PATJ: variants seen among roughly 807,000 people sequenced by gnomAD.
PATJ encodes PATJ crumbs cell polarity complex component, also known as inaD-like protein.
PATJ carries 190 observed loss-of-function variants against 224.9 expected under a neutral mutation model. That is an observed-to-expected ratio of 0.84 (90% CI 0.75 to 0.95). PATJ has a LOEUF of 0.95. Among genes scored for constraint, PATJ ranks in the 40% least tolerant of loss-of-function variants. The pLI is 0.00. For synonymous variants in PATJ, 769 were observed against 820.3 expected, an observed-to-expected ratio of 0.94 and a Z score of 1.07; for missense variants, 2,121 against 2,270.3, an observed-to-expected ratio of 0.93 and a Z score of 1.34.
At chr1:61,849,551 C>T (rs1205093623) in intron 17 of PATJ, among the ~76,000 whole-genome samples, 1 of 152,182 alleles carries the variant, frequency 6.6e-6, no homozygotes, top group African/African-American at 2.4e-5. Flanking sequence ...CGTGATTGTG[C>T]CACTGCACTC....
At chr1:62,111,663 CT>C (rs35549430) in intron 34 of PATJ, among the ~76,000 whole-genome samples, 1,871 of 142,260 alleles carry the variant, frequency 0.013, 32 homozygotes, top group African/African-American at 0.04. Context: ...AACCCATGTT[CT>C]TTTTTTTTTT....
intron 31 of PATJ, among the ~76,000 whole-genome samples, chr1:62,057,071 C>G (rs1654672949): frequency 6.6e-6 from 1 of 152,098 alleles, no homozygotes; most frequent in Non-Finnish European, 1.5e-5. Flanking sequence ...CAGGTGATCT[C>G]CCCACCTCAG....
chr1:61,820,533 G>A (rs1467571587), intron 14 of PATJ, among the ~76,000 whole-genome samples: 4 of 151,568 alleles, frequency 2.6e-5, no homozygotes, highest in Non-Finnish European at 5.9e-5. Flanking sequence ...GTAGAGATGG[G>A]GTTTCTCCAT....
chr1:62,056,732 T>C (rs1381486600), intron 31 of PATJ, among the ~76,000 whole-genome samples: 1 of 151,998 alleles, frequency 6.6e-6, no homozygotes, highest in Non-Finnish European at 1.5e-5. Flanking sequence ...AGTGAGCCAA[T>C]ATCACACCAC....
chr1:62,111,779 G>C (rs1663848336), intron 34 of PATJ, among the ~76,000 whole-genome samples: 1 of 151,292 alleles, frequency 6.6e-6, no homozygotes, highest in African/African-American at 2.4e-5. Flanking sequence ...TCCTGCCTCA[G>C]CCTCCCAAGT....
chr1:61,804,348 G>A (rs1315266906), intron 12 of PATJ, among the ~76,000 whole-genome samples: 5 of 152,078 alleles, frequency 3.3e-5, no homozygotes, highest in Non-Finnish European at 7.4e-5. Context: ...TTTTATAAAT[G>A]TAGTAATTTA....
At chr1:61,788,201 A>C (rs942022551) in intron 8 of PATJ, among the ~76,000 whole-genome samples, 1 of 152,142 alleles carries the variant, frequency 6.6e-6, no homozygotes, top group African/African-American at 2.4e-5. Context: ...CTTATTTATA[A>C]ATTGAAGAAT....
intron 33 of PATJ, among the ~76,000 whole-genome samples, chr1:62,097,165 A>C (rs1338487434): frequency 6.6e-6 from 1 of 152,180 alleles, no homozygotes; most frequent in Non-Finnish European, 1.5e-5. Context: ...CAGAGCTAAA[A>C]TCTGAACACA....
intron 27 of PATJ, among the ~76,000 whole-genome samples, chr1:61,945,734 A>T (rs527771310): frequency 6.6e-6 from 1 of 152,150 alleles, no homozygotes; most frequent in South Asian, 2.1e-4. Context: ...CATCTACAGA[A>T]CTCTCCACCC....
intron 8 of PATJ, among the ~76,000 whole-genome samples, chr1:61,790,617 G>A (rs1191138162): frequency 6.7e-6 from 1 of 150,178 alleles, no homozygotes; most frequent in Non-Finnish European, 1.5e-5. Flanking sequence ...GGGTTCAAGC[G>A]ATTCTCCTGT....
chr1:61,969,443 T>C (rs781583200), intron 27 of PATJ, among the ~76,000 whole-genome samples: 33 of 152,188 alleles, frequency 2.2e-4, no homozygotes, highest in Non-Finnish European at 2.6e-4. Flanking sequence ...TGATACCTCA[T>C]TGTGATTTTG....
At chr1:62,084,934 G>A (rs1254369632) in intron 33 of PATJ, among the ~76,000 whole-genome samples, 1 of 151,510 alleles carries the variant, frequency 6.6e-6, no homozygotes, top group Admixed American at 6.6e-5. Flanking sequence ...CCTGGGCAAC[G>A]TGGCGAAACC....
chr1:61,963,873 C>G (rs536510298), intron 27 of PATJ, among the ~76,000 whole-genome samples: 7 of 152,172 alleles, frequency 4.6e-5, no homozygotes, highest in African/African-American at 1.7e-4. Context: ...TGTTTAGTTG[C>G]TTGCTTATAC....
intron 27 of PATJ, among the ~76,000 whole-genome samples, chr1:61,945,763 A>C (rs1473876237): frequency 1.3e-5 from 2 of 152,232 alleles, no homozygotes; most frequent in African/African-American, 4.8e-5. Flanking sequence ...CAGAATATAC[A>C]TTCTTCTCAG....
chr1:62,109,540 G>A (rs941435563), intron 34 of PATJ, among the ~76,000 whole-genome samples: 2 of 152,190 alleles, frequency 1.3e-5, no homozygotes, highest in African/African-American at 4.8e-5. Context: ...ACAAGTGTAT[G>A]AGGTTAGAAA....
intron 20 of PATJ, among the ~76,000 whole-genome samples, chr1:61,874,645 A>T (rs1294829117): frequency 6.6e-6 from 1 of 152,244 alleles, no homozygotes; most frequent in Non-Finnish European, 1.5e-5. Context: ...GTCAGGGGAA[A>T]CATAAATATT....
At chr1:61,904,066 G>A (rs12747615) in intron 24 of PATJ, among the ~76,000 whole-genome samples, 26,095 of 152,004 alleles carry the variant, frequency 0.17, 2,508 homozygotes, top group East Asian at 0.39. Context: ...GAGCCATTGC[G>A]CCCGGACAGT....
chr1:61,798,717 C>T (rs946416485), intron 11 of PATJ, among the ~76,000 whole-genome samples: 2 of 151,602 alleles, frequency 1.3e-5, no homozygotes, highest in South Asian at 4.2e-4. Flanking sequence ...CATAGAGAGA[C>T]CCCTTCTCTA....
rs147515167 is a variant in PATJ at position 61,950,410 on chromosome 1, G to C, written c.3670+22581G>C. Among the ~76,000 whole-genome samples, 87 of 152,250 alleles carry C rather than the reference G, an allele frequency of 5.7e-4. 1 individual carries two copies. The East Asian group carries it at 0.016, about 28-fold the overall frequency. ...GAATCTGGTTCTCATTTGATGTTCA[G>C]GGCCACATGTAGGCACTTCCTTCCA... On this transcript the variant is annotated intron_variant, in intron 27 of 43. Coordinates refer to ENST00000642238, the MANE Select transcript of PATJ (RefSeq NM_001350145.3).
Sources: allele counts gnomAD v4.1 joint callset (sites outside exome capture counted in the v4.1 genomes callset), GRCh38; gene constraint gnomAD v4.1.1; transcripts MANE v1.5; gene names NCBI Gene and HGNC (gene_info 2026-07-23, HGNC 2026-07-21).